The following HDAC9 variants were observed in gnomAD, a reference collection of about 807,000 sequenced individuals.
The protein encoded by HDAC9 is histone deacetylase 9.
A neutral mutation model predicts 139.4 loss-of-function variants in HDAC9; 41 were observed. That is an observed-to-expected ratio of 0.29 (90% confidence interval 0.23 to 0.38). The LOEUF is 0.38. Among genes scored for constraint, HDAC9 ranks in the 10% least tolerant of loss-of-function variants. HDAC9 has a pLI of 1.00. For synonymous variants in HDAC9, 517 were observed against 476.2 expected (o/e 1.09, Z -1.12); for missense variants, 1,147 against 1,297.0 (o/e 0.88, Z 1.78).
intron 22 of HDAC9, among the ~76,000 whole-genome samples, chr7:18,874,813 A>G (rs1185746976): frequency 6.6e-6 from 1 of 152,178 alleles, no homozygotes; most frequent in Non-Finnish European, 1.5e-5. Context: ...TGGACATGAC[A>G]GCACATTTCA....
At chr7:18,792,020 T>C (rs951133697) in intron 16 of HDAC9, among the ~76,000 whole-genome samples, 1 of 152,182 alleles carries the variant, frequency 6.6e-6, no homozygotes, top group African/African-American at 2.4e-5. Flanking sequence ...TCCAGAAACT[T>C]CACTACTATA....
intron 1 of HDAC9, among the ~76,000 whole-genome samples, chr7:18,134,259 A>G (rs916352820): frequency 6.6e-6 from 1 of 152,104 alleles, no homozygotes; most frequent in Non-Finnish European, 1.5e-5. Context: ...CCAAGTATAT[A>G]CCTGCTTTAT....
intron 14 of HDAC9, among the ~76,000 whole-genome samples, chr7:18,753,691 T>C (rs1788640020): frequency 6.6e-6 from 1 of 152,190 alleles, no homozygotes; most frequent in Non-Finnish European, 1.5e-5. Context: ...CATTTAGCAA[T>C]GTCGCAAATT....
chr7:18,667,569 A>G (rs1395019508), intron 12 of HDAC9: 1 of 985,192 alleles, frequency 1.0e-6, no homozygotes, highest in East Asian at 1.1e-4. Context: ...AACAGAAGAC[A>G]CTGTTTATTC....
chr7:18,621,163 A>G (rs1361983678), intron 6 of HDAC9, among the ~76,000 whole-genome samples: 2 of 151,992 alleles, frequency 1.3e-5, no homozygotes, highest in Non-Finnish European at 2.9e-5. Flanking sequence ...AAAACATAAT[A>G]AATGCAATAA....
intron 2 of HDAC9, among the ~76,000 whole-genome samples, chr7:18,199,301 A>G (rs1790937470): frequency 6.6e-6 from 1 of 151,982 alleles, no homozygotes; most frequent in African/African-American, 2.4e-5. Context: ...ACAGATCCCA[A>G]TTTCTGGATT....
chr7:18,975,689 G>T (rs1411459025), intron 24 of HDAC9, 117 bp from the exon 25 acceptor site: 2 of 941,274 alleles, frequency 2.1e-6, no homozygotes, highest in Non-Finnish European at 3.2e-6. Flanking sequence ...AATTACAACT[G>T]TGTATAACAT....
intron 1 of HDAC9, among the ~76,000 whole-genome samples, chr7:18,396,462 C>T (rs533477205): frequency 4.6e-5 from 7 of 152,160 alleles, no homozygotes; most frequent in African/African-American, 1.7e-4. Flanking sequence ...TTCCCAATAG[C>T]TTGGAAGCAA....
At chr7:18,341,415 T>A (rs1782000688) in intron 1 of HDAC9, among the ~76,000 whole-genome samples, 1 of 151,888 alleles carries the variant, frequency 6.6e-6, no homozygotes, top group East Asian at 1.9e-4. Flanking sequence ...TCTCTCTTCT[T>A]TTTTAAAAAA....
In HDAC9 at chr7:18,999,088, A is replaced by G. The variant is rs190429796; in HGVS notation, c.*3026A>G. On this transcript the variant is annotated 3_prime_UTR_variant, in exon 26 of 26. Transcript: ENST00000686413. The stretch of plus-strand genomic sequence containing the variant: ...ATATTGTAACAAGTTTATAACATCA[A>G]TAGTGGAGACAGAAGTCAGCTTTGG... 16 of 152,364 alleles carry G rather than the reference A, an allele frequency of 1.1e-4. 1 individual carries two copies. The East Asian group carries it at 2.3e-3, about 22-fold the overall frequency. 9.4% of individuals were successfully genotyped at this position (152,364 alleles called of 1,614,324 possible).
chr7:18,223,344 A>G (rs1024008522), intron 2 of HDAC9, among the ~76,000 whole-genome samples: 2 of 149,884 alleles, frequency 1.3e-5, no homozygotes, highest in Admixed American at 6.6e-5. Flanking sequence ...TTTTTTGCTT[A>G]TGGTTTCTGG....
At chr7:18,887,829 T>G (rs1319136749) in intron 22 of HDAC9, among the ~76,000 whole-genome samples, 1 of 152,206 alleles carries the variant, frequency 6.6e-6, no homozygotes, top group East Asian at 1.9e-4. Flanking sequence ...ATTTTCTTCC[T>G]CTACCTAATC....
At chr7:18,732,448 A>G (rs903311802) in intron 13 of HDAC9, among the ~76,000 whole-genome samples, 2 of 125,142 alleles carry the variant, frequency 1.6e-5, no homozygotes, top group African/African-American at 3.2e-5. Context: ...ATCTGAAAGT[A>G]TGTGTGTATA....
intron 19 of HDAC9, among the ~76,000 whole-genome samples, chr7:18,831,679 G>C (rs1393378089): frequency 6.6e-6 from 1 of 152,130 alleles, no homozygotes; most frequent in East Asian, 1.9e-4. Context: ...GTTTCTTCCA[G>C]CTGCTGAGAA....
At chr7:18,727,444 A>ATTTTTTTTTTTT in intron 12 of HDAC9, 136 bp from the exon 13 acceptor site, 1 of 630,494 alleles carries the variant, frequency 1.6e-6, no homozygotes, top group South Asian at 2.2e-5. Flanking sequence ...CCCTTTCTCT[A>ATTTTTTTTTTTT]TTTTTTTTTT....
chr7:18,793,517 T>C (rs1792512959), intron 17 of HDAC9, 65 bp downstream of exon 17: 1 of 1,055,726 alleles, frequency 9.5e-7, no homozygotes, highest in Non-Finnish European at 1.4e-6. Context: ...GATGTTGTTA[T>C]GTGGGAATTG....
intron 12 of HDAC9, among the ~76,000 whole-genome samples, chr7:18,690,669 T>A (rs181134978): frequency 1.3e-5 from 2 of 152,138 alleles, no homozygotes; most frequent in African/African-American, 4.8e-5. Context: ...GTACACATTG[T>A]GCATGAATTT....
At chr7:18,632,519 C>T (rs140276440) in intron 7 of HDAC9, among the ~76,000 whole-genome samples, 179 of 151,936 alleles carry the variant, frequency 1.2e-3, no homozygotes, top group African/African-American at 3.9e-3. Flanking sequence ...AGGTGGGATT[C>T]GGCCTGCAAT....
intron 12 of HDAC9, among the ~76,000 whole-genome samples, chr7:18,683,035 C>G (rs1782001867): frequency 6.6e-6 from 1 of 151,778 alleles, no homozygotes; most frequent in Admixed American, 6.6e-5. Flanking sequence ...ACATAAGGCC[C>G]TAGAATATAG....
Sources: allele counts gnomAD v4.1 joint callset (sites outside exome capture counted in the v4.1 genomes callset), GRCh38; gene constraint gnomAD v4.1.1; transcripts MANE v1.5; gene names NCBI Gene and HGNC (gene_info 2026-07-23, HGNC 2026-07-21).